CDH11: variants seen among roughly 807,000 people sequenced by gnomAD.
CDH11 encodes the protein cadherin-11.
CDH11 carries 11 observed loss-of-function variants against 67.8 expected under a neutral mutation model. That is an observed-to-expected ratio of 0.16 (90% CI 0.10 to 0.27). The LOEUF is 0.27. Among genes scored for constraint, CDH11 ranks in the 10% least tolerant of loss-of-function variants. The pLI, the probability that CDH11 is intolerant of heterozygous loss-of-function variation, is 1.00. For synonymous variants in CDH11, 419 were observed against 400.0 expected, an observed-to-expected ratio of 1.05 and a Z score of -0.57; for missense variants, 847 against 1,031.2, an observed-to-expected ratio of 0.82 and a Z score of 2.45.
At chr16:65,061,240 A>C (rs1597146947) in intron 1 of CDH11, among the ~76,000 whole-genome samples, 1 of 152,260 alleles carries the variant, frequency 6.6e-6, no homozygotes, top group African/African-American at 2.4e-5. Flanking sequence ...GTCCCAGGTC[A>C]GTACACTGCT....
rs2142354564 is a variant in CDH11, at chr16:64,943,883, A to G, written c.*3720T>C. ...CATGGAGCTTACATTCTAGTGGGGC[A>G]GTCAGTCCCACCCACCCACACACAT... On this transcript the variant is annotated 3_prime_UTR_variant, in exon 13 of 13. Transcript: ENST00000268603. The G allele has an allele frequency of 8.7e-6, 2 of 229,020 alleles. No homozygotes were observed. Among genetic ancestry groups the G allele is most frequent in the Non-Finnish European group, 1.7e-5 (2 of 115,412 alleles). The allele number at this position is 229,020 out of a possible 1,614,324, so 14.2% of individuals were successfully genotyped here. A position where few individuals can be genotyped will look rare whatever the true frequency, so the allele number is the denominator to read the frequency against.
chr16:65,116,174 C>T (rs1170737429), intron 1 of CDH11, among the ~76,000 whole-genome samples: 4 of 152,116 alleles, frequency 2.6e-5, no homozygotes, highest in African/African-American at 9.7e-5. Flanking sequence ...GCCAGCAATC[C>T]GAGGCAGGGT....
intron 1 of CDH11, among the ~76,000 whole-genome samples, chr16:65,108,363 G>C (rs1597205365): frequency 6.6e-6 from 1 of 152,286 alleles, no homozygotes; most frequent in Non-Finnish European, 1.5e-5. Context: ...TAGTTGGAAG[G>C]CAAGCGTCCC....
chr16:64,945,793 T>C lies in CDH11; in HGVS notation c.*1810A>G, dbSNP rs2071185498. ...CATGTTGACTAAATCATAAAAATAG[T>C]ACATAACATGATATCAAGAAATGCT... On this transcript the variant is annotated 3_prime_UTR_variant, in exon 13 of 13. Transcript: ENST00000268603. 9.6e-7 allele frequency: 1 copy of C among 1,044,884 alleles called. No homozygotes were observed. The highest frequency in any genetic ancestry group is 1.2e-6 in the Non-Finnish European group (1 of 866,246). 64.7% of individuals were successfully genotyped at this position (1,044,884 alleles called of 1,614,324 possible). A position where few individuals can be genotyped will look rare whatever the true frequency, so the allele number is the denominator to read the frequency against.
chr16:65,025,669 C>T (rs899819045), intron 2 of CDH11, among the ~76,000 whole-genome samples: 15 of 152,076 alleles, frequency 9.9e-5, no homozygotes, highest in African/African-American at 3.6e-4. Context: ...TGGCTTTTAA[C>T]CTTTAGAAGT....
In CDH11 at chr16:64,972,919, A is replaced by G; in HGVS notation, c.1375T>C (p.Phe459Leu). The change falls in exon 9 of 13, where the codon TTT (phenylalanine) becomes CTT (leucine). Residue 459 changes from phenylalanine to leucine, a missense_variant. By Grantham distance (22) the Phe-to-Leu change is conservative. Around this residue, in one of 2 missense-constraint regions of CDH11, gnomAD observed 612 missense variants for 678.7 expected, o/e 0.90. Coordinates refer to ENST00000268603, the MANE Select transcript of CDH11 (RefSeq NM_001797.4). ...GAATACTTACGGATTTCTGCTGCAA[A>G]GACAGTGATGTTGAGCCAGGCTGTT... Reference protein sequence around the residue: ...EETAWLNITVFAAEIHNRHQE... With the variant: ...EETAWLNITVLAAEIHNRHQE... 6.2e-7 allele frequency: 1 copy of G among 1,613,976 alleles called. No homozygotes were observed. The highest frequency in any genetic ancestry group is 8.5e-7 in the Non-Finnish European group (1 of 1,179,914).
At chr16:65,093,473 C>G (rs1451153372) in intron 1 of CDH11, among the ~76,000 whole-genome samples, 1 of 151,976 alleles carries the variant, frequency 6.6e-6, no homozygotes, top group Non-Finnish European at 1.5e-5. Context: ...TGGGGTGGTT[C>G]TAGAACAATC....
chr16:65,004,636 C>T lies in CDH11; in HGVS notation c.228+6G>A, dbSNP rs369196467. ...AAAGCTCAGGATTGAGGGAAGGCAG[C>T]CTTACCCTGCCCACAAGCACGGGGT... On this transcript the variant is annotated splice_donor_region_variant and intron_variant, in intron 3 of 12. Transcript: ENST00000268603. 3.1e-6 allele frequency: 5 copies of T among 1,610,542 alleles called. No individual in the cohort carries two copies. In the East Asian group the frequency reaches 6.7e-5, roughly 22 times the overall value.
intron 7 of CDH11, 107 bp from the exon 8 acceptor site, chr16:64,982,408 A>C: frequency 1.2e-6 from 1 of 849,530 alleles, no homozygotes; most frequent in Non-Finnish European, 1.8e-6. Context: ...AAAGAGAGAA[A>C]ATCAGAGTCT....
chr16:65,047,147 A>C (rs1413015995), intron 2 of CDH11, among the ~76,000 whole-genome samples: 2 of 152,166 alleles, frequency 1.3e-5, no homozygotes, highest in African/African-American at 2.4e-5. Context: ...CAGGGTTTAC[A>C]GCTGGATGTG....
chr16:65,099,065 C>G lies in CDH11; in HGVS notation c.-298+22815G>C, dbSNP rs74026257. On this transcript the variant is annotated intron_variant, in intron 1 of 12. Transcript: ENST00000268603. ...TTCATAATTTCAGTCACTTACTAAC[C>G]CTTTAATTCACCAATCCAATAAAAC... 9.0e-3 allele frequency among the ~76,000 whole-genome samples: 1,373 copies of G among 152,128 alleles called. 30 individuals are homozygous for G. The highest frequency in any genetic ancestry group is 0.031 in the African/African-American group (1,297 of 41,486).
chr16:64,955,458 G>A (rs573189191), intron 11 of CDH11, among the ~76,000 whole-genome samples: 2 of 152,032 alleles, frequency 1.3e-5, no homozygotes, highest in African/African-American at 4.8e-5. Context: ...ATCCACTAGG[G>A]GTTGGTATGG....
At chr16:65,019,376 G>A (rs1169337526) in intron 2 of CDH11, among the ~76,000 whole-genome samples, 1 of 152,070 alleles carries the variant, frequency 6.6e-6, no homozygotes, top group African/African-American at 2.4e-5. Context: ...TTGATAAAGT[G>A]GAGACTTAAT....
intron 3 of CDH11, among the ~76,000 whole-genome samples, chr16:65,003,573 G>A (rs1015292976): frequency 6.6e-6 from 1 of 152,144 alleles, no homozygotes; most frequent in Non-Finnish European, 1.5e-5. Context: ...TCTTTTTGCA[G>A]TTTTAATGTC....
chr16:65,004,553 TGCCTGTGG>T lies in CDH11; in HGVS notation c.228+81_228+88del, dbSNP rs576422249. ...AGCCATTGGTGTTTTCTCTCTTAGA[TGCCTGTGG>T]GCCTTTTGCTTCTTTCTGGCCACAG... On this transcript the variant is annotated intron_variant, in intron 3 of 12. Coordinates refer to ENST00000268603, the MANE Select transcript of CDH11 (RefSeq NM_001797.4). 2.2e-4 allele frequency: 298 copies of T among 1,339,848 alleles called. 3 individuals are homozygous for T. The South Asian group carries it at 4.2e-3, about 19-fold the overall frequency. 83.0% of individuals were successfully genotyped at this position (1,339,848 alleles called of 1,614,324 possible).
At chr16:65,032,390 T>C (rs1298090123) in intron 2 of CDH11, among the ~76,000 whole-genome samples, 1 of 150,656 alleles carries the variant, frequency 6.6e-6, no homozygotes, top group African/African-American at 2.4e-5. Context: ...CTCAGGAGAC[T>C]GAGGTGAGAG....
chr16:64,980,213 A>G (rs933454766), intron 8 of CDH11, among the ~76,000 whole-genome samples: 1 of 152,216 alleles, frequency 6.6e-6, no homozygotes, highest in African/African-American at 2.4e-5. Flanking sequence ...TGAACAGGTA[A>G]AGTTCATGCT....
intron 11 of CDH11, among the ~76,000 whole-genome samples, chr16:64,959,829 A>C (rs1428076414): frequency 2.6e-5 from 4 of 152,226 alleles, no homozygotes; most frequent in Non-Finnish European, 5.9e-5. Context: ...TGTGCTGCTC[A>C]TAAAAAATGT....
At chr16:65,065,524 T>G (rs1260392873) in intron 1 of CDH11, among the ~76,000 whole-genome samples, 1 of 152,172 alleles carries the variant, frequency 6.6e-6, no homozygotes, top group Non-Finnish European at 1.5e-5. Flanking sequence ...AAGATAAAAC[T>G]GCTGCTGAGC....
Sources: allele counts gnomAD v4.1 joint callset (sites outside exome capture counted in the v4.1 genomes callset), GRCh38; gene constraint gnomAD v4.1.1; regional missense constraint gnomAD v4.1.1; transcripts MANE v1.5; gene names NCBI Gene and HGNC (gene_info 2026-07-23, HGNC 2026-07-21).